The following TMEM164 variants were observed in gnomAD, a reference collection of about 807,000 sequenced individuals.
TMEM164 encodes transmembrane protein 164.
TMEM164 carries 4 observed loss-of-function variants against 18.8 expected under a neutral mutation model. The observed-to-expected ratio is 0.21, with a 90% CI of 0.10 to 0.49. TMEM164 has a LOEUF of 0.49. TMEM164 is among the 20% of genes least tolerant of loss of function. The probability of loss-of-function intolerance (pLI) is 0.98; values close to 1 mark genes in which losing one functional copy is unlikely to be tolerated. For missense variants in TMEM164, 108 were observed against 239.9 expected (o/e 0.45, Z 3.63); for synonymous variants, 86 against 101.7 (o/e 0.85, Z 0.93).
At chrX:110,022,451 A>G (rs1175908702) in intron 2 of TMEM164, among the ~76,000 whole-genome samples, 1 of 111,603 alleles carries the variant, frequency 9.0e-6, no homozygotes, top group Non-Finnish European at 1.9e-5. Context: ...TGCCAGCACT[A>G]GGACCCATAT....
intron 3 of TMEM164, among the ~76,000 whole-genome samples, chrX:110,080,737 G>A (rs1054679986): frequency 9.0e-6 from 1 of 110,937 alleles, no homozygotes; most frequent in African/African-American, 3.3e-5. Flanking sequence ...TTCTGTTTTC[G>A]AGACCACGTT....
intron 5 of TMEM164, among the ~76,000 whole-genome samples, chrX:110,170,375 T>G (rs1440235724): frequency 6.2e-5 from 7 of 112,973 alleles, no homozygotes; most frequent in Non-Finnish European, 9.4e-5. Flanking sequence ...TTCTTTATCT[T>G]CCTGTCCTCA....
intron 4 of TMEM164, among the ~76,000 whole-genome samples, chrX:110,132,326 G>T (rs767133583): frequency 1.8e-5 from 2 of 111,370 alleles, no homozygotes; most frequent in East Asian, 5.6e-4. Context: ...CCCAACTTAA[G>T]AATTAGCCAC....
intron 2 of TMEM164, among the ~76,000 whole-genome samples, chrX:110,028,434 G>T (rs1223517756): frequency 9.0e-6 from 1 of 111,480 alleles, no homozygotes; most frequent in Non-Finnish European, 1.9e-5. Context: ...AACTTAGGTG[G>T]GATGCTTAGC....
intron 3 of TMEM164, among the ~76,000 whole-genome samples, chrX:110,069,713 C>T (rs2065557061): frequency 9.1e-6 from 1 of 109,482 alleles, no homozygotes; most frequent in African/African-American, 3.3e-5. Flanking sequence ...GCCACTGCGC[C>T]CAGCCTATAC....
In TMEM164 at chrX:110,010,350, G is replaced by C. The variant is rs746226287; in HGVS notation, c.390+6186G>C. Among the ~76,000 whole-genome samples the C allele has an allele frequency of 7.1e-5, 8 of 112,708 alleles. No individual in the cohort carries two copies. In the South Asian group the frequency reaches 2.9e-3, roughly 41 times the overall value. ...AGAGCTAGGTTTCTCTGCTTCTCCT[G>C]GTCTTTCATATATTTTGTTAAATTG... On this transcript the variant is annotated intron_variant, in intron 2 of 6. Coordinates refer to ENST00000372068, the MANE Select transcript of TMEM164 (RefSeq NM_032227.4).
At chrX:110,130,768 C>G (rs2066601560) in intron 4 of TMEM164, among the ~76,000 whole-genome samples, 1 of 109,055 alleles carries the variant, frequency 9.2e-6, no homozygotes, top group Admixed American at 9.8e-5. Context: ...TTCTCTGAAA[C>G]TCTGTGATGA....
intron 2 of TMEM164, among the ~76,000 whole-genome samples, chrX:110,064,330 A>T (rs1037062891): frequency 8.9e-6 from 1 of 111,767 alleles, no homozygotes; most frequent in African/African-American, 3.3e-5. Context: ...TTCACCTCCT[A>T]GTCTAAAAAT....
At chrX:110,040,230 T>C (rs60525641) in intron 2 of TMEM164, among the ~76,000 whole-genome samples, 1,455 of 112,576 alleles carry the variant, frequency 0.013, 34 homozygotes, top group African/African-American at 0.044. Flanking sequence ...TTGCAAAAAG[T>C]ACATTCCACG....
rs59866982 is a variant in TMEM164, at chrX:110,105,750, TGAGAGAGAGAGAGA to T, written c.441-3299_441-3286del. ...CACACACAGAGAGAGAGAGAGAGAA[TGAGAGAGAGAGAGA>T]GAGAGAGAGAGAGAGAGAGAGAGAG... is the stretch of plus-strand genomic sequence containing the variant. On this transcript the variant is annotated intron_variant, in intron 3 of 6. Coordinates refer to ENST00000372068, the MANE Select transcript of TMEM164 (RefSeq NM_032227.4). 8.8e-3 allele frequency among the ~76,000 whole-genome samples: 635 copies of T among 72,207 alleles called. 5 individuals are homozygous for T. The highest frequency in any genetic ancestry group is 0.03 in the African/African-American group (555 of 18,540). 62.7% of individuals were successfully genotyped at this position (72,207 alleles called of 115,157 possible).
intron 2 of TMEM164, among the ~76,000 whole-genome samples, chrX:110,043,447 T>C: frequency 8.9e-6 from 1 of 111,945 alleles, no homozygotes; most frequent in Non-Finnish European, 1.9e-5. Context: ...ATGTGTTTGA[T>C]CTCTTTACTG....
rs754713777 is a variant in TMEM164 at position 110,022,199 on chromosome X, A to ATGTGTGTGTG, written c.390+18047_390+18056dup. Among the ~76,000 whole-genome samples the ATGTGTGTGTG allele has an allele frequency of 3.7e-5, 4 of 107,615 alleles. No individual in the cohort carries two copies. In the South Asian group the frequency reaches 1.6e-3, roughly 42 times the overall value. 93.5% of individuals were successfully genotyped at this position (107,615 alleles called of 115,157 possible). A position where few individuals can be genotyped will look rare whatever the true frequency, so the allele number is the denominator to read the frequency against. ...TCTGAGCCTAAACTGACCACTAGAA[A>ATGTGTGTGTG]TGTGTGTGTGTGTGTGTGTGTATTG... On this transcript the variant is annotated intron_variant, in intron 2 of 6. Coordinates refer to ENST00000372068, the MANE Select transcript of TMEM164 (RefSeq NM_032227.4).
chrX:110,149,994 A>T (rs2148077480), intron 5 of TMEM164, among the ~76,000 whole-genome samples: 1 of 112,097 alleles, frequency 8.9e-6, no homozygotes, highest in African/African-American at 3.2e-5. Context: ...AGCAAAAATC[A>T]GACACCACCC....
downstream of TMEM164, among the ~76,000 whole-genome samples, chrX:110,181,773 G>A (rs987332241): frequency 3.5e-5 from 4 of 112,730 alleles, no homozygotes; most frequent in Non-Finnish European, 5.6e-5. Flanking sequence ...ACATCTATGA[G>A]GAATCCAGTG....
At chrX:110,040,977 A>G (rs1602517865) in intron 2 of TMEM164, among the ~76,000 whole-genome samples, 1 of 112,123 alleles carries the variant, frequency 8.9e-6, no homozygotes, top group East Asian at 2.8e-4. Context: ...TCCGTTTAAT[A>G]GTGTTACCTC....
chrX:110,104,381 C>T (rs921829638), intron 3 of TMEM164, among the ~76,000 whole-genome samples: 5 of 111,552 alleles, frequency 4.5e-5, no homozygotes, highest in African/African-American at 1.6e-4. Flanking sequence ...AATGGTTGAT[C>T]CCAATAAAAA....
chrX:110,030,784 C>G (rs1406255451), intron 2 of TMEM164, among the ~76,000 whole-genome samples: 1 of 96,602 alleles, frequency 1.0e-5, no homozygotes, highest in Non-Finnish European at 2.1e-5. Flanking sequence ...GCACTCCAGC[C>G]TGGGCGACAG....
At chrX:110,010,127 C>T (rs1161858236) in intron 2 of TMEM164, among the ~76,000 whole-genome samples, 2 of 112,393 alleles carry the variant, frequency 1.8e-5, no homozygotes, top group African/African-American at 6.5e-5. Flanking sequence ...ACTCTTGGCC[C>T]AAAGTGTCTG....
intron 4 of TMEM164, among the ~76,000 whole-genome samples, chrX:110,141,939 C>T (rs2066776362): frequency 9.0e-6 from 1 of 111,647 alleles, no homozygotes; most frequent in Non-Finnish European, 1.9e-5. Flanking sequence ...GTTGCAGTGG[C>T]ATATGCACCT....
Sources: gnomAD v4.1 joint callset for allele counts (sites outside exome capture counted in the v4.1 genomes callset) on GRCh38, gnomAD v4.1.1 for gene constraint, MANE v1.5 for transcripts, NCBI Gene and HGNC (gene_info 2026-07-23, HGNC 2026-07-21) for gene names.